ALOX5: variants seen among roughly 807,000 people sequenced by gnomAD.
ALOX5 encodes the protein polyunsaturated fatty acid 5-lipoxygenase.
Under a neutral mutation model 87.9 loss-of-function variants are expected in ALOX5, and 64 were observed. That is an observed-to-expected ratio of 0.73 (90% CI 0.60 to 0.90). The LOEUF is 0.90. Ranked by LOEUF, ALOX5 falls within the 40% of genes least tolerant of loss-of-function variation. The pLI, the probability that ALOX5 is intolerant of heterozygous loss-of-function variation, is 0.00. For synonymous variants in ALOX5, 388 were observed against 355.1 expected, an observed-to-expected ratio of 1.09 and a Z score of -1.04; for missense variants, 822 against 907.5, an observed-to-expected ratio of 0.91 and a Z score of 1.21.
intron 1 of ALOX5, among the ~76,000 whole-genome samples, chr10:45,381,145 G>A (rs1204402714): frequency 6.6e-6 from 1 of 152,230 alleles, no homozygotes; most frequent in African/African-American, 2.4e-5. Context: ...CTGGCAGGGA[G>A]GGGGCCAAGC....
chr10:45,421,380 C>G (rs1841501948), intron 4 of ALOX5, among the ~76,000 whole-genome samples: 1 of 152,238 alleles, frequency 6.6e-6, no homozygotes, highest in African/African-American at 2.4e-5. Flanking sequence ...CACCCGGGAC[C>G]TCAGGTGCCC....
At chr10:45,445,370 AGG>A in intron 13 of ALOX5, 136 bp from the exon 14 acceptor site, 1 of 1,046,758 alleles carries the variant, frequency 9.6e-7, no homozygotes, top group Non-Finnish European at 1.4e-6. Context: ...CAGGCAGCAG[AGG>A]GTGAATATGG....
At chr10:45,428,809 G>T (rs769666523) in intron 7 of ALOX5, 45 bp downstream of exon 7, 1 of 1,604,538 alleles carries the variant, frequency 6.2e-7, no homozygotes. Context: ...TCAGTCCTCT[G>T]CGATCCAGGG....
rs535317736 is a variant in ALOX5, at chr10:45,424,158, C to T, written c.661+11C>T. On this transcript the variant is annotated intron_variant, in intron 5 of 13. Coordinates refer to ENST00000374391, the MANE Select transcript of ALOX5 (RefSeq NM_000698.5). Reference sequence around the variant, plus strand: ...GCAACACTATTTCTGGTGAGTGTGCCTCTGGGGGCCCAAGTGGTGCTGGGG... The same window carrying T: ...GCAACACTATTTCTGGTGAGTGTGCTTCTGGGGGCCCAAGTGGTGCTGGGG... The T allele has an allele frequency of 4.4e-6, 7 of 1,603,220 alleles. No homozygotes were observed. Among genetic ancestry groups the T allele is most frequent in the Admixed American group, 1.7e-5 (1 of 60,004 alleles).
intron 8 of ALOX5, among the ~76,000 whole-genome samples, chr10:45,440,970 G>C (rs900561523): frequency 2.6e-5 from 4 of 152,202 alleles, no homozygotes; most frequent in African/African-American, 9.6e-5. Flanking sequence ...AATCCTACAA[G>C]CATTGGCTGC....
chr10:45,392,164 G>A (rs1239684984), intron 2 of ALOX5, among the ~76,000 whole-genome samples: 5 of 152,202 alleles, frequency 3.3e-5, no homozygotes, highest in Admixed American at 1.3e-4. Context: ...CTACTGGGAA[G>A]TGAGGAGCCC....
Position 45,444,261 on chromosome 10 carries a change from C to T in ALOX5, c.1820C>T (p.Ala607Val), listed in dbSNP as rs994081039. The change falls in exon 13 of 14, where the codon GCG (alanine) becomes GTG (valine). Residue 607 changes from alanine (A) to valine (V), a missense_variant. Transcript: ENST00000374391. ...TGCTGGCATCTGGGTGCAGTGTGGG[C>T]GCTGAGCCAGTTCCAGGAAAACGAG... Reference protein sequence around the residue: ...RSCWHLGAVWALSQFQENELF... With the variant: ...RSCWHLGAVWVLSQFQENELF... 11 of 1,554,648 alleles carry T rather than the reference C, an allele frequency of 7.1e-6. No individual in the cohort carries two copies. Among genetic ancestry groups the T allele is most frequent in the African/African-American group, 5.4e-5 (4 of 73,646 alleles).
chr10:45,385,925 C>A (rs1839991181), intron 2 of ALOX5, among the ~76,000 whole-genome samples: 1 of 152,152 alleles, frequency 6.6e-6, no homozygotes, highest in Admixed American at 6.5e-5. Flanking sequence ...GCAATTAGAT[C>A]AGTACAGAGG....
chr10:45,405,088 GTGTT>G (rs1238405428), intron 3 of ALOX5, among the ~76,000 whole-genome samples: 3 of 152,184 alleles, frequency 2.0e-5, no homozygotes, highest in South Asian at 2.1e-4. Flanking sequence ...ATTTGTAGAT[GTGTT>G]TGTTTGTTTT....
intron 2 of ALOX5, among the ~76,000 whole-genome samples, chr10:45,384,771 G>T (rs1839954895): frequency 6.6e-6 from 1 of 151,688 alleles, no homozygotes; most frequent in Admixed American, 6.6e-5. Flanking sequence ...GACTCCGGGG[G>T]TGGGGGTGGG....
chr10:45,416,362 C>A (rs919310871), intron 4 of ALOX5, among the ~76,000 whole-genome samples: 1 of 152,102 alleles, frequency 6.6e-6, no homozygotes, highest in African/African-American at 2.4e-5. Flanking sequence ...CAATTGGGGT[C>A]TACTGGAGAG....
chr10:45,393,467 G>A (rs995444456), intron 2 of ALOX5, among the ~76,000 whole-genome samples: 14 of 152,160 alleles, frequency 9.2e-5, no homozygotes, highest in Admixed American at 1.3e-4. Flanking sequence ...AATAATAAGA[G>A]CTATTTATGA....
chr10:45,428,449 C>A, intron 6 of ALOX5, 169 bp from the exon 7 acceptor site: 1 of 815,076 alleles, frequency 1.2e-6, no homozygotes, highest in Non-Finnish European at 1.9e-6. Context: ...TGAACACCTT[C>A]CATGTGAATC....
chr10:45,419,432 G>A (rs959343884), intron 4 of ALOX5, among the ~76,000 whole-genome samples: 4 of 152,160 alleles, frequency 2.6e-5, no homozygotes, highest in African/African-American at 7.2e-5. Flanking sequence ...CCCGACAAGG[G>A]ACGGGGGAGA....
At chr10:45,384,459 G>A in intron 2 of ALOX5, among the ~76,000 whole-genome samples, 1 of 152,174 alleles carries the variant, frequency 6.6e-6, no homozygotes, top group East Asian at 1.9e-4. Context: ...AGGCTTCACT[G>A]GGCAGTTCAT....
At chr10:45,374,804 G>A (rs1839536016) in intron 1 of ALOX5, among the ~76,000 whole-genome samples, 2 of 152,196 alleles carry the variant, frequency 1.3e-5, no homozygotes, top group Admixed American at 1.3e-4. Flanking sequence ...CGTTTCTTGT[G>A]CCACCTCTTC....
intron 2 of ALOX5, among the ~76,000 whole-genome samples, chr10:45,384,187 G>A (rs555166413): frequency 2.0e-5 from 3 of 152,088 alleles, no homozygotes; most frequent in Admixed American, 6.5e-5. Context: ...GAGGAGCTGC[G>A]GCCCTCAGTA....
Position 45,424,241 on chromosome 10 carries a change from G to A in ALOX5, c.661+94G>A, listed in dbSNP as rs900068113. On this transcript the variant is annotated intron_variant, in intron 5 of 13. Transcript: ENST00000374391. ...CCGGGAAATTGACAAGGGCCTTCCT[G>A]CCTGCTGCAGCATGGGGGCCTCGCT... 5 of 1,080,046 alleles carry A rather than the reference G, an allele frequency of 4.6e-6. No homozygotes were observed. In the African/African-American group the frequency reaches 6.2e-5, roughly 13 times the overall value. 66.9% of individuals were successfully genotyped at this position (1,080,046 alleles called of 1,614,324 possible). A position where few individuals can be genotyped will look rare whatever the true frequency, so the allele number is the denominator to read the frequency against.
intron 1 of ALOX5, among the ~76,000 whole-genome samples, chr10:45,377,114 A>G (rs1839644040): frequency 6.6e-6 from 1 of 152,228 alleles, no homozygotes; most frequent in Non-Finnish European, 1.5e-5. Flanking sequence ...GTGGTGTTTA[A>G]TATATGATAC....
Sources: gnomAD v4.1 joint callset for allele counts (sites outside exome capture counted in the v4.1 genomes callset) on GRCh38, gnomAD v4.1.1 for gene constraint, MANE v1.5 for transcripts, NCBI Gene and HGNC (gene_info 2026-07-23, HGNC 2026-07-21) for gene names.